Variants in ADGRL2 observed in about 807,000 individuals in gnomAD.
ADGRL2 encodes the protein calcium-independent alpha-latrotoxin receptor 2.
Under a neutral mutation model 157.4 loss-of-function variants are expected in ADGRL2, and 44 were observed. The observed-to-expected ratio is 0.28, with a 90% CI of 0.22 to 0.36. The LOEUF (loss-of-function observed/expected upper bound fraction) is 0.36, where lower values mean the gene tolerates loss of function less well. ADGRL2 is among the 10% of genes least tolerant of loss of function. ADGRL2 has a pLI of 1.00. For missense variants in ADGRL2, 1,510 were observed against 1,768.9 expected, an observed-to-expected ratio of 0.85 and a Z score of 2.63; for synonymous variants, 585 against 624.7, an observed-to-expected ratio of 0.94 and a Z score of 0.95.
intron 1 of ADGRL2, among the ~76,000 whole-genome samples, chr1:81,727,678 G>C (rs575310034): frequency 6.6e-6 from 1 of 152,000 alleles, no homozygotes; most frequent in African/African-American, 2.4e-5. Context: ...TGATCCGTCC[G>C]CCTCAGCCTT....
chr1:81,559,325 T>C (rs1351144776), intron 2 of ADGRL2, among the ~76,000 whole-genome samples: 6 of 152,146 alleles, frequency 3.9e-5, no homozygotes, highest in Admixed American at 1.3e-4. Context: ...CTCCTCTAAG[T>C]AGGTAACTGA....
intron 2 of ADGRL2, among the ~76,000 whole-genome samples, chr1:81,866,306 C>T (rs1162228989): frequency 6.6e-6 from 1 of 152,118 alleles, no homozygotes; most frequent in Admixed American, 6.6e-5. Context: ...CCAATTACAT[C>T]ATCCTATTTA....
At chr1:81,674,318 C>T (rs2082938158) in intron 3 of ADGRL2, among the ~76,000 whole-genome samples, 1 of 152,144 alleles carries the variant, frequency 6.6e-6, no homozygotes, top group Non-Finnish European at 1.5e-5. Context: ...ATACCATGGC[C>T]TGCCTTATTG....
intron 1 of ADGRL2, among the ~76,000 whole-genome samples, chr1:81,719,742 A>T (rs748852431): frequency 6.6e-6 from 1 of 151,966 alleles, no homozygotes; most frequent in Non-Finnish European, 1.5e-5. Context: ...CTGGGATATG[A>T]TGGTTCTTTG....
intron 3 of ADGRL2, among the ~76,000 whole-genome samples, chr1:81,644,649 A>G (rs76717728): frequency 0.045 from 6,810 of 152,274 alleles, 169 homozygotes; most frequent in South Asian, 0.07. Flanking sequence ...TTATACATTC[A>G]TTCAAACCCA....
chr1:81,657,557 C>T (rs530048130), intron 3 of ADGRL2, among the ~76,000 whole-genome samples: 7 of 152,132 alleles, frequency 4.6e-5, no homozygotes, highest in Non-Finnish European at 7.4e-5. Flanking sequence ...CACTTCTGCT[C>T]CCTTCCCACT....
At chr1:81,728,814 T>A (rs933079803) in intron 1 of ADGRL2, among the ~76,000 whole-genome samples, 2 of 152,138 alleles carry the variant, frequency 1.3e-5, no homozygotes, top group African/African-American at 4.8e-5. Flanking sequence ...TGGCTTTAGA[T>A]CCCTTTCCTA....
At chr1:81,958,149 C>T (rs1654175142) in intron 11 of ADGRL2, among the ~76,000 whole-genome samples, 1 of 151,796 alleles carries the variant, frequency 6.6e-6, no homozygotes, top group Non-Finnish European at 1.5e-5. Context: ...CCCAGCTACT[C>T]AAGAGGCTGA....
chr1:81,622,593 C>A (rs1401863505), intron 3 of ADGRL2, among the ~76,000 whole-genome samples: 4 of 151,404 alleles, frequency 2.6e-5, no homozygotes, highest in Non-Finnish European at 5.9e-5. Context: ...AACAAAAAAA[C>A]CTATGTTTTT....
intron 1 of ADGRL2, among the ~76,000 whole-genome samples, chr1:81,833,991 A>G (rs1001576729): frequency 2.0e-5 from 3 of 152,222 alleles, no homozygotes; most frequent in Admixed American, 2.0e-4. Flanking sequence ...TTTGAATCTT[A>G]TTTGAAGGAT....
intron 2 of ADGRL2, among the ~76,000 whole-genome samples, chr1:81,536,956 G>T (rs2079753920): frequency 6.6e-6 from 1 of 152,132 alleles, no homozygotes; most frequent in Admixed American, 6.5e-5. Flanking sequence ...CAAATATAAG[G>T]TTCTCAGTAG....
chr1:81,430,590 A>G (rs545609204), intron 1 of ADGRL2, among the ~76,000 whole-genome samples: 1 of 152,166 alleles, frequency 6.6e-6, no homozygotes, highest in Non-Finnish European at 1.5e-5. Flanking sequence ...TTGTATTCTG[A>G]GATGATGTCT....
intron 2 of ADGRL2, among the ~76,000 whole-genome samples, chr1:81,564,918 G>A (rs1454136913): frequency 6.6e-6 from 1 of 152,164 alleles, no homozygotes; most frequent in East Asian, 1.9e-4. Context: ...CCTAACATTA[G>A]CCAGAATGAA....
At chr1:81,960,458 A>G (rs1479863306) in intron 11 of ADGRL2, among the ~76,000 whole-genome samples, 1 of 150,992 alleles carries the variant, frequency 6.6e-6, no homozygotes, top group Non-Finnish European at 1.5e-5. Context: ...ATTCCCTTTT[A>G]TTTATTGTCT....
intron 1 of ADGRL2, among the ~76,000 whole-genome samples, chr1:81,325,406 A>G (rs1261434453): frequency 1.3e-5 from 2 of 152,180 alleles, no homozygotes; most frequent in African/African-American, 4.8e-5. Flanking sequence ...TTTCAGCTAT[A>G]AAGTTTTAAG....
chr1:81,355,390 C>A (rs1663207370), intron 1 of ADGRL2, among the ~76,000 whole-genome samples: 1 of 152,004 alleles, frequency 6.6e-6, no homozygotes, highest in Non-Finnish European at 1.5e-5. Context: ...AAGAAAGAAA[C>A]TTGGTATACA....
chr1:81,768,927 A>T lies in ADGRL2; in HGVS notation c.-101+7075A>T, dbSNP rs112963413. 2.8e-3 allele frequency among the ~76,000 whole-genome samples: 419 copies of T among 152,234 alleles called. 8 individuals are homozygous for T. In the South Asian group the frequency reaches 0.041, roughly 15 times the overall value. On this transcript the variant is annotated intron_variant, in intron 2 of 20. Coordinates refer to the ADGRL2 transcript ENST00000359929. ...GAAACCCCGTCTCTACTAAAAAAAA[A>T]TACAAAAATTAGCCGGGCGCACTGG... is the stretch of plus-strand genomic sequence containing the variant.
At chr1:81,778,214 C>T (rs1196217618) in intron 2 of ADGRL2, among the ~76,000 whole-genome samples, 3 of 151,092 alleles carry the variant, frequency 2.0e-5, no homozygotes, top group Non-Finnish European at 4.4e-5. Flanking sequence ...CCCAGCTCCT[C>T]GGGGAGGCTG....
chr1:81,460,538 A>G (rs1029251202), intron 2 of ADGRL2, among the ~76,000 whole-genome samples: 1 of 152,066 alleles, frequency 6.6e-6, no homozygotes, highest in Non-Finnish European at 1.5e-5. Flanking sequence ...TTATATTATA[A>G]TCTCTTAAAA....
Sources: allele counts gnomAD v4.1 joint callset (sites outside exome capture counted in the v4.1 genomes callset), GRCh38; gene constraint gnomAD v4.1.1; transcripts MANE v1.5; gene names NCBI Gene and HGNC (gene_info 2026-07-23, HGNC 2026-07-21).